Variants in MDGA2 observed in about 807,000 individuals in gnomAD.
MDGA2 encodes MAM domain-containing glycosylphosphatidylinositol anchor protein 2.
Under a neutral mutation model 117.8 loss-of-function variants are expected in MDGA2, and 40 were observed. That is an observed-to-expected ratio of 0.34 (90% confidence interval 0.26 to 0.44). The LOEUF (loss-of-function observed/expected upper bound fraction) is 0.44. Ranked by LOEUF, MDGA2 falls within the 20% of genes least tolerant of loss-of-function variation. The probability of loss-of-function intolerance (pLI) is 1.00; values close to 1 mark genes in which losing one functional copy is unlikely to be tolerated. For missense variants in MDGA2, 1,123 were observed against 1,250.6 expected (o/e 0.90, Z 1.54); for synonymous variants, 452 against 439.0 (o/e 1.03, Z -0.37).
intron 2 of MDGA2, among the ~76,000 whole-genome samples, chr14:47,277,942 T>C (rs1227515370): frequency 6.6e-6 from 1 of 151,210 alleles, no homozygotes; most frequent in Non-Finnish European, 1.5e-5. Flanking sequence ...AGCCCAGAGA[T>C]GAAGAGGAAG....
At chr14:47,346,523 A>G (rs1890766049) in intron 1 of MDGA2, among the ~76,000 whole-genome samples, 1 of 152,160 alleles carries the variant, frequency 6.6e-6, no homozygotes, top group South Asian at 2.1e-4. Flanking sequence ...CCTTGGACAA[A>G]TCCCAAACTT....
At chr14:47,566,997 C>G (rs921912477) in intron 1 of MDGA2, among the ~76,000 whole-genome samples, 4 of 151,704 alleles carry the variant, frequency 2.6e-5, no homozygotes, top group Admixed American at 1.3e-4. Context: ...CAGCCTCAAA[C>G]TCCTGGAAGT....
intron 2 of MDGA2, among the ~76,000 whole-genome samples, chr14:47,279,758 C>A (rs1033691812): frequency 6.6e-6 from 1 of 152,030 alleles, no homozygotes; most frequent in African/African-American, 2.4e-5. Flanking sequence ...CCTACCCATT[C>A]CCCTACACAC....
At chr14:47,248,802 T>C (rs1276828669) in intron 2 of MDGA2, among the ~76,000 whole-genome samples, 1 of 152,126 alleles carries the variant, frequency 6.6e-6, no homozygotes, top group East Asian at 1.9e-4. Flanking sequence ...ATTTCTCTAA[T>C]AGCAAGATTG....
chr14:47,142,626 T>C (rs1882771090), intron 4 of MDGA2, among the ~76,000 whole-genome samples: 1 of 152,106 alleles, frequency 6.6e-6, no homozygotes, highest in Non-Finnish European at 1.5e-5. Flanking sequence ...AAAAATAAAA[T>C]ATGTAATAGA....
intron 8 of MDGA2, among the ~76,000 whole-genome samples, chr14:47,006,854 T>C (rs1190797531): frequency 6.6e-6 from 1 of 151,638 alleles, no homozygotes; most frequent in African/African-American, 2.4e-5. Context: ...TTTAGCTAGG[T>C]AGATGTAAAA....
intron 1 of MDGA2, among the ~76,000 whole-genome samples, chr14:47,503,389 C>G (rs901554086): frequency 6.7e-6 from 1 of 149,052 alleles, no homozygotes; most frequent in Non-Finnish European, 1.5e-5. Flanking sequence ...TTAATTGATT[C>G]ACCACTCTCT....
chr14:47,292,859 T>G (rs1211841643), intron 2 of MDGA2, among the ~76,000 whole-genome samples: 7 of 152,210 alleles, frequency 4.6e-5, no homozygotes, highest in Admixed American at 2.6e-4. Flanking sequence ...ATTTCATCCC[T>G]AAAAACACTA....
intron 2 of MDGA2, among the ~76,000 whole-genome samples, chr14:47,269,322 A>G (rs1034350681): frequency 1.3e-5 from 2 of 152,176 alleles, no homozygotes; most frequent in African/African-American, 4.8e-5. Flanking sequence ...TCTGTACGTG[A>G]AGAACATAAA....
chr14:47,257,618 A>G (rs945537570), intron 2 of MDGA2, among the ~76,000 whole-genome samples: 2 of 152,140 alleles, frequency 1.3e-5, no homozygotes, highest in Non-Finnish European at 2.9e-5. Flanking sequence ...ACTTTAACGC[A>G]ATTTTTGTAA....
At chr14:47,594,793 C>A (rs1196966528) in intron 1 of MDGA2, among the ~76,000 whole-genome samples, 1 of 152,214 alleles carries the variant, frequency 6.6e-6, no homozygotes, top group Non-Finnish European at 1.5e-5. Context: ...AACTGTGTAA[C>A]CAGAACTGTG....
intron 8 of MDGA2, among the ~76,000 whole-genome samples, chr14:46,967,953 AGT>A: frequency 6.6e-6 from 1 of 152,208 alleles, no homozygotes; most frequent in East Asian, 2.0e-4. Context: ...GCCGGGAAAG[AGT>A]GAGTGACTGA....
intron 1 of MDGA2, among the ~76,000 whole-genome samples, chr14:47,305,545 G>A (rs1157934646): frequency 1.3e-5 from 2 of 152,168 alleles, no homozygotes; most frequent in African/African-American, 4.8e-5. Context: ...ACTTTTGAAA[G>A]TTAAACCAAA....
At chr14:47,220,170 G>T (rs1176049032) in intron 2 of MDGA2, among the ~76,000 whole-genome samples, 4 of 152,054 alleles carry the variant, frequency 2.6e-5, no homozygotes, top group Admixed American at 6.6e-5. Context: ...TTTCTGAGTG[G>T]TAGAAAGACA....
chr14:47,618,384 T>C (rs945812950), intron 1 of MDGA2, among the ~76,000 whole-genome samples: 3 of 152,194 alleles, frequency 2.0e-5, no homozygotes, highest in African/African-American at 7.2e-5. Flanking sequence ...CAAGTGTCCA[T>C]CTGCATGCTC....
At chr14:47,158,085 C>A (rs187793283) in intron 3 of MDGA2, among the ~76,000 whole-genome samples, 1 of 151,880 alleles carries the variant, frequency 6.6e-6, no homozygotes, top group African/African-American at 2.4e-5. Context: ...CACAACAGAC[C>A]GCATATAAAA....
chr14:46,878,708 A>T (rs767454966), intron 11 of MDGA2, among the ~76,000 whole-genome samples: 17 of 152,038 alleles, frequency 1.1e-4, no homozygotes, highest in Non-Finnish European at 1.9e-4. Context: ...TAACAATTTA[A>T]TTTTTTGGCA....
At chr14:47,258,794 G>A (rs567402298) in intron 2 of MDGA2, among the ~76,000 whole-genome samples, 4 of 151,886 alleles carry the variant, frequency 2.6e-5, no homozygotes, top group African/African-American at 9.7e-5. Context: ...ATGGAACAGA[G>A]GGTTCAGTAT....
intron 2 of MDGA2, among the ~76,000 whole-genome samples, chr14:47,248,593 T>C (rs562116222): frequency 6.8e-6 from 1 of 146,288 alleles, no homozygotes; most frequent in Non-Finnish European, 1.6e-5. Context: ...TAAGTCAAAA[T>C]TGGCAGATGG....
Sources: gnomAD v4.1 joint callset for allele counts (sites outside exome capture counted in the v4.1 genomes callset) on GRCh38, gnomAD v4.1.1 for gene constraint, MANE v1.5 for transcripts, NCBI Gene and HGNC (gene_info 2026-07-23, HGNC 2026-07-21) for gene names.